LRRIQ1: variants seen among roughly 807,000 people sequenced by gnomAD.
LRRIQ1 encodes the protein leucine rich repeats and IQ motif containing 1.
A neutral mutation model predicts 211.9 loss-of-function variants in LRRIQ1; 210 were observed. That is an observed-to-expected ratio of 0.99 (90% CI 0.89 to 1.11). The LOEUF is 1.11. Among genes scored for constraint, LRRIQ1 ranks in the 50% most tolerant of loss-of-function variants. LRRIQ1 has a pLI of 0.00. For missense variants in LRRIQ1, 2,136 were observed against 1,939.5 expected, an observed-to-expected ratio of 1.10 and a Z score of -1.90; for synonymous variants, 699 against 650.1, an observed-to-expected ratio of 1.08 and a Z score of -1.14.
At chr12:85,065,454 A>C in intron 9 of LRRIQ1, 40 bp downstream of exon 9, 1 of 1,434,486 alleles carries the variant, frequency 7.0e-7, no homozygotes, top group Non-Finnish European at 9.3e-7. Context: ...TTATAATAAA[A>C]TATAAAATGG....
chr12:85,081,929 G>T (rs1261508904), intron 11 of LRRIQ1, among the ~76,000 whole-genome samples: 1 of 151,792 alleles, frequency 6.6e-6, no homozygotes, highest in East Asian at 1.9e-4. Context: ...CACCATGTTG[G>T]CCAGGCTGGT....
At chr12:85,065,462 T>C (rs371049308) in intron 9 of LRRIQ1, 48 bp downstream of exon 9, 73 of 1,386,924 alleles carry the variant, frequency 5.3e-5, no homozygotes, top group Non-Finnish European at 6.7e-5. Context: ...AAATATAAAA[T>C]GGATTTATGT....
intron 8 of LRRIQ1, among the ~76,000 whole-genome samples, chr12:85,059,255 A>G (rs1268956115): frequency 6.6e-6 from 1 of 151,976 alleles, no homozygotes; most frequent in African/African-American, 2.4e-5. Context: ...GCTTACATTA[A>G]TCTCTTACTT....
At chr12:85,218,239 C>A (rs1894246464) in intron 24 of LRRIQ1, among the ~76,000 whole-genome samples, 1 of 151,762 alleles carries the variant, frequency 6.6e-6, no homozygotes, top group South Asian at 2.1e-4. Flanking sequence ...CCTGGACTTA[C>A]CCCCTAGACA....
At chr12:85,072,350 T>C (rs1883175629) in intron 10 of LRRIQ1, among the ~76,000 whole-genome samples, 1 of 152,014 alleles carries the variant, frequency 6.6e-6, no homozygotes, top group South Asian at 2.1e-4. Flanking sequence ...ATGTGGTCAA[T>C]TTTCATGAAT....
Position 85,055,999 on chromosome 12 carries a change from G to T in LRRIQ1, c.1206G>T (p.Lys402Asn), listed in dbSNP as rs764285178. The T allele has an allele frequency of 1.2e-6, 2 of 1,608,576 alleles. No individual in the cohort carries two copies. Reference sequence around the variant, plus strand: ...TAATAATAAGTAGTGCATTAAAGAAGAGCGGATATAATAACAAACATTTAA... The same window carrying T: ...TAATAATAAGTAGTGCATTAAAGAATAGCGGATATAATAACAAACATTTAA... Reference protein sequence around the residue: ...QQLIISSALKKSGYNNKHLSL... With the variant: ...QQLIISSALKNSGYNNKHLSL... The change falls in exon 8 of 27, where the codon AAG (lysine) becomes AAT (asparagine). Residue 402 changes from lysine (K) to asparagine (N), a missense_variant. By Grantham distance (94) the Lys-to-Asn change is moderately conservative (BLOSUM62 0). Coordinates refer to ENST00000393217, the MANE Select transcript of LRRIQ1 (RefSeq NM_001079910.2).
intron 24 of LRRIQ1, among the ~76,000 whole-genome samples, 185 bp downstream of exon 24, chr12:85,160,899 A>G (rs1275434885): frequency 6.6e-6 from 1 of 152,036 alleles, no homozygotes; most frequent in African/African-American, 2.4e-5. Context: ...GTGCTGAAAT[A>G]TTGATATAGT....
chr12:85,084,985 G>C (rs1463531258), intron 11 of LRRIQ1, among the ~76,000 whole-genome samples: 1 of 151,390 alleles, frequency 6.6e-6, no homozygotes, highest in Non-Finnish European at 1.5e-5. Context: ...AATATATTAT[G>C]GTACTAAAAA....
rs1885211107 is a variant in LRRIQ1, at chr12:85,089,961, G to T, written c.2888-8394G>T. On this transcript the variant is annotated intron_variant, in intron 11 of 26. Transcript: ENST00000393217. ...AGGCATTACAGCGATCTAAGAGGCA[G>T]CCTAGGAGGACTGAATGGTTTCCTC... Among the ~76,000 whole-genome samples, 5 of 152,200 alleles carry T rather than the reference G, an allele frequency of 3.3e-5. No homozygotes were observed. The South Asian group carries it at 1.0e-3, about 31-fold the overall frequency.
At chr12:85,144,990 C>T (rs1889791844) in intron 19 of LRRIQ1, among the ~76,000 whole-genome samples, 1 of 150,976 alleles carries the variant, frequency 6.6e-6, no homozygotes, top group South Asian at 2.1e-4. Flanking sequence ...TTTCTGTATA[C>T]AAAACTTACC....
At chr12:85,160,194 C>G (rs1189854827) in intron 23 of LRRIQ1, among the ~76,000 whole-genome samples, 1 of 151,804 alleles carries the variant, frequency 6.6e-6, no homozygotes, top group African/African-American at 2.4e-5. Context: ...CTTGAATATT[C>G]TTGTCTTTGA....
intron 9 of LRRIQ1, among the ~76,000 whole-genome samples, chr12:85,066,279 T>C (rs1162957059): frequency 6.6e-6 from 1 of 151,836 alleles, no homozygotes; most frequent in Non-Finnish European, 1.5e-5. Flanking sequence ...CAGATCCAGG[T>C]GGAGATGAGG....
chr12:85,250,936 A>ATTTTATATATTATG (rs1895916692), intron 1 of LRRIQ1, among the ~76,000 whole-genome samples: 5 of 106,060 alleles, frequency 4.7e-5, no homozygotes, highest in African/African-American at 2.0e-4. Context: ...TATATATTAT[A>ATTTTATATATTATG]TATAATATAT....
chr12:85,136,405 G>C (rs1273481394), intron 18 of LRRIQ1, among the ~76,000 whole-genome samples: 1 of 151,918 alleles, frequency 6.6e-6, no homozygotes, highest in African/African-American at 2.4e-5. Flanking sequence ...TGGGTAGGGA[G>C]AGACTAGAAG....
In LRRIQ1 at chr12:85,061,312, T is replaced by C. The variant is rs989879217; in HGVS notation, c.2392-3950T>C. ...CTGTCATACATGTATCCATAATTAA[T>C]ACAAAAATTTATTTTGATCTCATGT... On this transcript the variant is annotated intron_variant, in intron 8 of 26. Coordinates refer to ENST00000393217, the MANE Select transcript of LRRIQ1 (RefSeq NM_001079910.2). Among the ~76,000 whole-genome samples the C allele has an allele frequency of 4.0e-4, 61 of 151,752 alleles. 1 individual carries two copies. The highest frequency in any genetic ancestry group is 1.4e-3 in the African/African-American group (60 of 41,392).
chr12:85,228,210 G>A (rs1592998753), intron 24 of LRRIQ1, among the ~76,000 whole-genome samples: 1 of 152,276 alleles, frequency 6.6e-6, no homozygotes, highest in East Asian at 1.9e-4. Context: ...CACAGCAAAA[G>A]AAACTACCAT....
chr12:85,054,304 G>A (rs1880711005), intron 7 of LRRIQ1, among the ~76,000 whole-genome samples: 1 of 152,046 alleles, frequency 6.6e-6, no homozygotes, highest in Non-Finnish European at 1.5e-5. Flanking sequence ...CAAGACAAAG[G>A]AAAAATAGTG....
At chr12:85,197,840 A>T (rs1431152376) in intron 24 of LRRIQ1, among the ~76,000 whole-genome samples, 1 of 138,628 alleles carries the variant, frequency 7.2e-6, no homozygotes, top group South Asian at 2.1e-4. Context: ...AATAAAAAAT[A>T]TTATATTTAT....
At chr12:85,191,042 G>C (rs1267104884) in intron 24 of LRRIQ1, among the ~76,000 whole-genome samples, 9 of 151,892 alleles carry the variant, frequency 5.9e-5, no homozygotes, top group Non-Finnish European at 7.4e-5. Context: ...CTATATTTTA[G>C]TATAGTTTAT....
Sources: gnomAD v4.1 joint callset for allele counts (sites outside exome capture counted in the v4.1 genomes callset) on GRCh38, gnomAD v4.1.1 for gene constraint, MANE v1.5 for transcripts, NCBI Gene and HGNC (gene_info 2026-07-23, HGNC 2026-07-21) for gene names.